The following CDYL variants were observed in gnomAD, a reference collection of about 807,000 sequenced individuals.
CDYL encodes the protein chromodomain Y-like protein.
In CDYL, 8 loss-of-function variants were observed where a neutral mutation model predicts 47.3. That is an observed-to-expected ratio of 0.17 (90% CI 0.10 to 0.31). The LOEUF (loss-of-function observed/expected upper bound fraction) is 0.31, where lower values mean the gene tolerates loss of function less well. CDYL is among the 10% of genes least tolerant of loss of function. The pLI, the probability that CDYL is intolerant of heterozygous loss-of-function variation, is 1.00. For missense variants in CDYL, 471 were observed against 701.4 expected (o/e 0.67, Z 3.71); for synonymous variants, 266 against 265.0 (o/e 1.00, Z -0.04).
intron 2 of CDYL, among the ~76,000 whole-genome samples, chr6:4,920,224 G>A (rs1757672940): frequency 6.6e-6 from 1 of 152,158 alleles, no homozygotes; most frequent in African/African-American, 2.4e-5. Flanking sequence ...CTGGGGAGAC[G>A]AAAAGTTCTG....
At chr6:4,931,395 C>T (rs1172850737) in intron 2 of CDYL, among the ~76,000 whole-genome samples, 1 of 152,180 alleles carries the variant, frequency 6.6e-6, no homozygotes, top group African/African-American at 2.4e-5. Context: ...GTCTGAGATG[C>T]TGAAATTTGA....
chr6:4,893,880 C>T (rs1762123132), intron 2 of CDYL, among the ~76,000 whole-genome samples: 2 of 152,222 alleles, frequency 1.3e-5, no homozygotes, highest in African/African-American at 2.4e-5. Flanking sequence ...CAGGTTTTCT[C>T]CTCGGCCCAG....
chr6:4,803,862 G>A (rs908271747), intron 1 of CDYL, among the ~76,000 whole-genome samples: 1 of 150,660 alleles, frequency 6.6e-6, no homozygotes, highest in African/African-American at 2.5e-5. Flanking sequence ...GTGTATGTGT[G>A]TTTTTTGTAC....
intron 5 of CDYL, among the ~76,000 whole-genome samples, chr6:4,949,123 C>T (rs976074714): frequency 2.0e-5 from 3 of 152,258 alleles, no homozygotes; most frequent in African/African-American, 7.2e-5. Context: ...GCGAGGGCTA[C>T]GTAAATCAGC....
Position 4,846,649 on chromosome 6 carries a change from G to A in CDYL, c.25-45064G>A, listed in dbSNP as rs184557822. On this transcript the variant is annotated intron_variant, in intron 1 of 6. Coordinates refer to ENST00000397588, the MANE Select transcript of CDYL (RefSeq NM_004824.4). The stretch of plus-strand genomic sequence containing the variant: ...ACACATTGAAGTGTGAACTCTGTTC[G>A]CTGTATGTGTGTCTTGCATGCTACT... Among the ~76,000 whole-genome samples the A allele has an allele frequency of 2.1e-4, 32 of 152,156 alleles. No homozygotes were observed. The East Asian group carries it at 3.1e-3, about 15-fold the overall frequency.
chr6:4,888,433 A>AG (rs142484468), intron 1 of CDYL, among the ~76,000 whole-genome samples: 5,030 of 152,172 alleles, frequency 0.033, 278 homozygotes, highest in African/African-American at 0.11. Context: ...ATTGGCATAT[A>AG]GTTGTTCATA....
At chr6:4,715,027 G>A (rs9504217) in intron 1 of CDYL, 2 of 152,170 alleles carry the variant, frequency 1.3e-5, no homozygotes, top group East Asian at 1.9e-4. Flanking sequence ...AAGTCCAAAA[G>A]GTATAGACTT....
intron 1 of CDYL, among the ~76,000 whole-genome samples, chr6:4,875,851 T>G (rs1021697998): frequency 2.0e-5 from 3 of 152,236 alleles, no homozygotes; most frequent in African/African-American, 7.2e-5. Context: ...TCAGTCCATC[T>G]TATTTTTTGA....
At chr6:4,904,152 G>A (rs1380929275) in intron 2 of CDYL, among the ~76,000 whole-genome samples, 3 of 152,240 alleles carry the variant, frequency 2.0e-5, no homozygotes, top group African/African-American at 7.2e-5. Context: ...TGCCGTTGTG[G>A]GTAGTGCTCC....
chr6:4,810,575 T>C (rs1759499417), intron 1 of CDYL, among the ~76,000 whole-genome samples: 1 of 152,228 alleles, frequency 6.6e-6, no homozygotes, highest in South Asian at 2.1e-4. Flanking sequence ...TCTACACATC[T>C]CAGTTTTGAC....
At chr6:4,854,352 C>T (rs900062339) in intron 1 of CDYL, among the ~76,000 whole-genome samples, 16 of 152,172 alleles carry the variant, frequency 1.1e-4, no homozygotes, top group South Asian at 4.1e-4. Context: ...GTTTATGTTA[C>T]GCAGTTTCAT....
intron 2 of CDYL, among the ~76,000 whole-genome samples, chr6:4,912,817 C>G (rs1561704902): frequency 1.3e-5 from 2 of 152,170 alleles, no homozygotes; most frequent in Admixed American, 1.3e-4. Context: ...CTCACTCTCC[C>G]CCTCTTCTTA....
chr6:4,720,083 G>GCATA (rs1354489970), intron 2 of CDYL, among the ~76,000 whole-genome samples: 3 of 152,194 alleles, frequency 2.0e-5, no homozygotes, highest in Non-Finnish European at 2.9e-5. Flanking sequence ...CTTGCAAAGT[G>GCATA]CATATGTGGG....
chr6:4,715,659 G>A (rs1757241992), intron 1 of CDYL: 1 of 1,348,668 alleles, frequency 7.4e-7, no homozygotes, highest in Non-Finnish European at 1.0e-6. Flanking sequence ...TGTAGAACTG[G>A]TGAAAGTCAT....
At chr6:4,887,055 C>T (rs1158128612) in intron 1 of CDYL, among the ~76,000 whole-genome samples, 2 of 152,200 alleles carry the variant, frequency 1.3e-5, no homozygotes, top group Non-Finnish European at 2.9e-5. Context: ...GGCTATATGT[C>T]TGTAGTTCCA....
intron 2 of CDYL, among the ~76,000 whole-genome samples, chr6:4,731,317 CAT>C (rs1757601181): frequency 6.6e-6 from 1 of 152,158 alleles, no homozygotes; most frequent in African/African-American, 2.4e-5. Context: ...GTAGTTAAGA[CAT>C]AAATCCTTCT....
intron 1 of CDYL, among the ~76,000 whole-genome samples, chr6:4,709,062 T>C (rs1342630441): frequency 6.6e-6 from 1 of 152,002 alleles, no homozygotes; most frequent in African/African-American, 2.4e-5. Context: ...TAGTTAACAG[T>C]TTTAAAAATA....
chr6:4,808,336 C>G (rs925100148), intron 1 of CDYL, among the ~76,000 whole-genome samples: 5 of 152,178 alleles, frequency 3.3e-5, no homozygotes, highest in African/African-American at 4.8e-5. Flanking sequence ...TGATGAATTC[C>G]ATTTCCAGTT....
rs1759749295 is a variant in CDYL, at chr6:4,819,032, G to A, written c.24+42225G>A. Among the ~76,000 whole-genome samples, 2 of 152,014 alleles carry A rather than the reference G, an allele frequency of 1.3e-5. 1 individual carries two copies. The highest frequency in any genetic ancestry group is 1.3e-4 in the Admixed American group (2 of 15,272). On this transcript the variant is annotated intron_variant, in intron 1 of 6. Transcript: ENST00000397588. ...GATACCCCACAGAGGTGAGCACTGG[G>A]AGTCTGAGTATTGTCCATAAATCCA... is the stretch of plus-strand genomic sequence containing the variant.
Sources: gnomAD v4.1 joint callset for allele counts (sites outside exome capture counted in the v4.1 genomes callset) on GRCh38, gnomAD v4.1.1 for gene constraint, MANE v1.5 for transcripts, NCBI Gene and HGNC (gene_info 2026-07-23, HGNC 2026-07-21) for gene names.